CKAP5: variants seen among roughly 807,000 people sequenced by gnomAD.
The protein encoded by CKAP5 is cytoskeleton-associated protein 5.
A neutral mutation model predicts 232.8 loss-of-function variants in CKAP5; 27 were observed. That is an observed-to-expected ratio of 0.12 (90% CI 0.09 to 0.16). The LOEUF is 0.16. Ranked by LOEUF, CKAP5 falls within the 10% of genes least tolerant of loss-of-function variation. The probability of loss-of-function intolerance (pLI) is 1.00; values close to 1 mark genes in which losing one functional copy is unlikely to be tolerated. For synonymous variants in CKAP5, 785 were observed against 841.1 expected (o/e 0.93, Z 1.16); for missense variants, 1,838 against 2,424.7 (o/e 0.76, Z 5.08).
At chr11:46,770,743 T>A (rs1420466629) in intron 25 of CKAP5, 45 bp downstream of exon 25, 1 of 1,572,560 alleles carries the variant, frequency 6.4e-7, no homozygotes, top group Non-Finnish European at 8.7e-7. Context: ...TTAAATATAT[T>A]TTTTAATAGC....
intron 17 of CKAP5, among the ~76,000 whole-genome samples, chr11:46,784,260 C>T (rs963265930): frequency 4.2e-4 from 64 of 151,662 alleles, no homozygotes; most frequent in African/African-American, 1.5e-3. Flanking sequence ...CCCAGCTATG[C>T]GGGAGGCTGA....
rs879890672 is a variant in CKAP5, at chr11:46,795,786, G to T, written c.1468-10C>A. On this transcript the variant is annotated splice_polypyrimidine_tract_variant and intron_variant, in intron 12 of 43. Coordinates refer to ENST00000529230, the MANE Select transcript of CKAP5 (RefSeq NM_001008938.4). Reference sequence around the variant, plus strand: ...CTGAACATTCTTTGATCTGGAGAATGAAAGTGAGATGAACATCATTAAGCC... The same window carrying T: ...CTGAACATTCTTTGATCTGGAGAATTAAAGTGAGATGAACATCATTAAGCC... 3.7e-6 allele frequency: 6 copies of T among 1,609,832 alleles called. No individual in the cohort carries two copies. The highest frequency in any genetic ancestry group is 1.7e-5 in the Admixed American group (1 of 59,436).
rs754891832 is a variant in CKAP5, at chr11:46,795,644, C to T, written c.1600G>A (p.Asp534Asn). ...SGAAGDKDTK[D>N]ISAPKPGPLK... is the part of the protein sequence containing the mutation. ...GGTCCTGGTTTGGGTGCAGAAATGT[C>T]CTTTGTGTCCTTATCTCCTGCAGCC... The change falls in exon 13 of 44, where the codon GAC becomes AAC. Residue 534 changes from aspartate (D) to asparagine (N), a missense_variant. Coordinates refer to ENST00000529230, the MANE Select transcript of CKAP5 (RefSeq NM_001008938.4). The T allele has an allele frequency of 1.2e-6, 2 of 1,614,080 alleles. No homozygotes were observed. Among genetic ancestry groups the T allele is most frequent in the Non-Finnish European group, 1.7e-6 (2 of 1,179,982 alleles).
intron 1 of CKAP5, among the ~76,000 whole-genome samples, chr11:46,843,315 T>C (rs1940104921): frequency 6.6e-6 from 1 of 151,988 alleles, no homozygotes. Flanking sequence ...AAGCCTTCTG[T>C]ATATAAGTAG....
intron 1 of CKAP5, chr11:46,826,815 G>C (rs940653274): frequency 6.4e-6 from 1 of 155,194 alleles, no homozygotes; most frequent in Non-Finnish European, 1.4e-5. Context: ...GGATCAGCAG[G>C]AATACCCGGC....
intron 1 of CKAP5, among the ~76,000 whole-genome samples, chr11:46,822,541 C>G (rs1440745068): frequency 6.6e-6 from 1 of 151,900 alleles, no homozygotes; most frequent in Non-Finnish European, 1.5e-5. Flanking sequence ...ATCACGAGGT[C>G]AGGATCGAGA....
At chr11:46,778,050 A>T in intron 22 of CKAP5, 89 bp downstream of exon 22, 1 of 1,054,542 alleles carries the variant, frequency 9.5e-7, no homozygotes, top group Non-Finnish European at 1.4e-6. Flanking sequence ...GTAACCACTT[A>T]TTTTTTGCAA....
In CKAP5 at chr11:46,768,140, G is replaced by A. The variant is rs73456109; in HGVS notation, c.3323-477C>T. 1.6e-3 allele frequency among the ~76,000 whole-genome samples: 244 copies of A among 151,982 alleles called. 1 individual carries two copies. Among genetic ancestry groups the A allele is most frequent in the African/African-American group, 5.6e-3 (234 of 41,472 alleles). On this transcript the variant is annotated intron_variant, in intron 26 of 43. Transcript: ENST00000529230. ...AATTTTTCTCCCAAAATCTTTAAGC[G>A]TAAGAGAGAAATTAATTCAGAAAAT...
chr11:46,843,226 A>T (rs1343247009), intron 1 of CKAP5, among the ~76,000 whole-genome samples: 1 of 152,186 alleles, frequency 6.6e-6, no homozygotes, highest in Non-Finnish European at 1.5e-5. Context: ...GAAATTGTGG[A>T]AACAATAGGT....
At chr11:46,825,626 TCTCAC>T (rs1358147876) in intron 1 of CKAP5, among the ~76,000 whole-genome samples, 1 of 152,128 alleles carries the variant, frequency 6.6e-6, no homozygotes, top group East Asian at 1.9e-4. Flanking sequence ...ATTCCTGGAC[TCTCAC>T]CTCTGGCTAA....
intron 1 of CKAP5, among the ~76,000 whole-genome samples, chr11:46,834,784 A>G (rs7480140): frequency 0.64 from 97,551 of 151,908 alleles, 33,063 homozygotes; most frequent in Non-Finnish European, 0.77. Flanking sequence ...AAGCATAAAA[A>G]TATTTTTATG....
intron 17 of CKAP5, 56 bp from the exon 18 acceptor site, chr11:46,783,424 C>CG: frequency 9.0e-7 from 1 of 1,112,148 alleles, no homozygotes; most frequent in Non-Finnish European, 1.3e-6. Context: ...TATAGAAATA[C>CG]AGCATGACAT....
intron 42 of CKAP5, among the ~76,000 whole-genome samples, chr11:46,748,455 T>C (rs2065038012): frequency 6.6e-6 from 1 of 152,110 alleles, no homozygotes; most frequent in Non-Finnish European, 1.5e-5. Context: ...AAGGATAAAG[T>C]TGCCATCAAC....
At chr11:46,805,514 T>A (rs780591755) in intron 8 of CKAP5, among the ~76,000 whole-genome samples, 6 of 152,324 alleles carry the variant, frequency 3.9e-5, no homozygotes, top group Non-Finnish European at 5.9e-5. Flanking sequence ...TTCAATCTCA[T>A]CCTCTTTTTT....
At chr11:46,752,757 T>C in intron 37 of CKAP5, 47 bp from the exon 38 acceptor site, 1 of 1,455,914 alleles carries the variant, frequency 6.9e-7, no homozygotes, top group African/African-American at 1.4e-5. Context: ...AAACCTGCAT[T>C]CCAATTAGAA....
At chr11:46,785,433 C>T (rs574473681) in intron 16 of CKAP5, among the ~76,000 whole-genome samples, 53 of 152,290 alleles carry the variant, frequency 3.5e-4, no homozygotes, top group African/African-American at 1.3e-3. Context: ...TCAAGCGATT[C>T]TCATGCCTCA....
chr11:46,816,772 A>C (rs968973882), intron 3 of CKAP5, among the ~76,000 whole-genome samples: 1 of 149,772 alleles, frequency 6.7e-6, no homozygotes, highest in African/African-American at 2.5e-5. Flanking sequence ...AGGGTTACAG[A>C]ATGCTTGCTT....
intron 4 of CKAP5, among the ~76,000 whole-genome samples, chr11:46,812,571 G>A (rs533904852): frequency 6.6e-6 from 1 of 152,128 alleles, no homozygotes; most frequent in South Asian, 2.1e-4. Context: ...TATCTCATGT[G>A]AGCAAATGCA....
chr11:46,812,149 T>C (rs546141337), intron 4 of CKAP5, among the ~76,000 whole-genome samples: 1 of 152,218 alleles, frequency 6.6e-6, no homozygotes, highest in East Asian at 1.9e-4. Context: ...CTGGCCAACA[T>C]GGTGAAACCC....
Sources: gnomAD v4.1 joint callset for allele counts (sites outside exome capture counted in the v4.1 genomes callset) on GRCh38, gnomAD v4.1.1 for gene constraint, MANE v1.5 for transcripts, NCBI Gene and HGNC (gene_info 2026-07-23, HGNC 2026-07-21) for gene names.